The following SLC14A2 variants were observed in gnomAD, a reference collection of about 807,000 sequenced individuals.
SLC14A2 encodes urea transporter 2.
In SLC14A2, 91 loss-of-function variants were observed where a neutral mutation model predicts 104.6. The ratio of observed to expected loss-of-function variants is 0.87; its 90% CI spans 0.73 to 1.04. The LOEUF (loss-of-function observed/expected upper bound fraction) is 1.04. SLC14A2 is among the 50% of genes least tolerant of loss of function. SLC14A2 has a pLI of 0.00. For synonymous variants in SLC14A2, 476 were observed against 466.4 expected, an observed-to-expected ratio of 1.02 and a Z score of -0.27; for missense variants, 1,189 against 1,156.0, an observed-to-expected ratio of 1.03 and a Z score of -0.41.
chr18:45,485,884 C>T (rs1158649342), intron 2 of SLC14A2, among the ~76,000 whole-genome samples: 1 of 152,120 alleles, frequency 6.6e-6, no homozygotes, highest in Non-Finnish European at 1.5e-5. Flanking sequence ...GACCTCAACA[C>T]GGAGACCAGC....
chr18:45,388,537 T>G (rs1454983709), intron 1 of SLC14A2, among the ~76,000 whole-genome samples: 1 of 152,090 alleles, frequency 6.6e-6, no homozygotes, highest in Non-Finnish European at 1.5e-5. Context: ...TAGGGCTATT[T>G]TTCGTCTGTT....
Position 45,509,406 on chromosome 18 carries a change from T to C in SLC14A2, c.-35+26084T>C, listed in dbSNP as rs567889930. The stretch of plus-strand genomic sequence containing the variant: ...CTCTCGCTACCTCTGTCTTTCTTTC[T>C]CAGTCTCTATCTGTTTCTGTTACAT... On this transcript the variant is annotated intron_variant, in intron 2 of 20. Coordinates refer to the SLC14A2 transcript ENST00000586448. 2.0e-5 allele frequency among the ~76,000 whole-genome samples: 3 copies of C among 152,292 alleles called. No individual in the cohort carries two copies. In the South Asian group the frequency reaches 6.2e-4, roughly 32 times the overall value.
chr18:45,626,746 C>T (rs2045262334), intron 3 of SLC14A2, among the ~76,000 whole-genome samples: 5 of 152,176 alleles, frequency 3.3e-5, no homozygotes, highest in Admixed American at 2.6e-4. Flanking sequence ...AAACTACCAC[C>T]CACTGCAGAA....
intron 1 of SLC14A2, among the ~76,000 whole-genome samples, chr18:45,445,164 T>G (rs1003305938): frequency 3.5e-5 from 5 of 142,638 alleles, no homozygotes; most frequent in African/African-American, 1.3e-4. Context: ...CAGGCTGAAG[T>G]GCAGTGGCAC....
intron 4 of SLC14A2, among the ~76,000 whole-genome samples, 189 bp downstream of exon 4, chr18:45,627,336 AT>A (rs1378655498): frequency 1.3e-5 from 2 of 152,194 alleles, no homozygotes; most frequent in African/African-American, 4.8e-5. Context: ...CAGTGTCAAC[AT>A]TCATTTGACT....
chr18:45,396,728 C>A (rs547260635), intron 1 of SLC14A2, among the ~76,000 whole-genome samples: 1 of 148,386 alleles, frequency 6.7e-6, no homozygotes, highest in Non-Finnish European at 1.5e-5. Context: ...TAGGTAACCT[C>A]GTGTCATGGG....
In SLC14A2 at chr18:45,544,029, A is replaced by T. The variant is rs78849316; in HGVS notation, c.-35+60707A>T. Among the ~76,000 whole-genome samples, 1,385 of 152,354 alleles carry T rather than the reference A, an allele frequency of 9.1e-3. 20 individuals carry two copies. Among genetic ancestry groups the T allele is most frequent in the African/African-American group, 0.032 (1,312 of 41,570 alleles). On this transcript the variant is annotated intron_variant, in intron 2 of 20. Transcript: ENST00000586448. The stretch of plus-strand genomic sequence containing the variant: ...TCACAACCCAATGTTGGACGAATTA[A>T]GCACATCTTATGTGACTCCACTGGG...
chr18:45,321,390 A>G (rs552825535), intron 1 of SLC14A2, among the ~76,000 whole-genome samples: 2 of 152,370 alleles, frequency 1.3e-5, no homozygotes, highest in East Asian at 3.9e-4. Context: ...TAGGAACAGA[A>G]CTATACTTGT....
intron 2 of SLC14A2, among the ~76,000 whole-genome samples, chr18:45,538,765 G>A (rs1346460898): frequency 6.6e-6 from 1 of 151,806 alleles, no homozygotes; most frequent in Non-Finnish European, 1.5e-5. Flanking sequence ...AGGGACCACT[G>A]AGGGCAATCT....
chr18:45,389,976 A>T (rs112608241), intron 1 of SLC14A2, among the ~76,000 whole-genome samples: 1,823 of 152,328 alleles, frequency 0.012, 29 homozygotes, highest in African/African-American at 0.04. Flanking sequence ...CTAGAATGAA[A>T]CCTAAAACTG....
chr18:45,223,980 C>T (rs557406459), intron 1 of SLC14A2, among the ~76,000 whole-genome samples: 16 of 152,304 alleles, frequency 1.1e-4, no homozygotes, highest in African/African-American at 3.8e-4. Flanking sequence ...TGATTTTATT[C>T]CCCTCCAATT....
At chr18:45,197,781 G>A in the SLC14A2 span, among the ~76,000 whole-genome samples, 4 of 152,088 alleles carry the variant, frequency 2.6e-5, no homozygotes, top group African/African-American at 9.7e-5. Context: ...ATGAAATTCC[G>A]CAGTGATCTG....
At chr18:45,289,334 G>A (rs2084846593) in intron 1 of SLC14A2, among the ~76,000 whole-genome samples, 1 of 152,056 alleles carries the variant, frequency 6.6e-6, no homozygotes, top group African/African-American at 2.4e-5. Context: ...AGGAGAGCTG[G>A]CACCTTACCC....
At chr18:45,561,668 G>A (rs955365095) in intron 2 of SLC14A2, among the ~76,000 whole-genome samples, 2 of 151,860 alleles carry the variant, frequency 1.3e-5, no homozygotes, top group Non-Finnish European at 2.9e-5. Context: ...AAACTCTTAG[G>A]TCCCACTCCC....
intron 2 of SLC14A2, among the ~76,000 whole-genome samples, chr18:45,585,271 C>T (rs548072079): frequency 1.0e-3 from 158 of 152,272 alleles, no homozygotes; most frequent in Non-Finnish European, 1.9e-3. Context: ...ATTGTAACTC[C>T]GTCCCCTATC....
At chr18:45,434,511 C>T (rs2086565624) in intron 1 of SLC14A2, among the ~76,000 whole-genome samples, 1 of 152,146 alleles carries the variant, frequency 6.6e-6, no homozygotes, top group South Asian at 2.1e-4. Flanking sequence ...AAATAAGCTC[C>T]ATCCATTAAA....
At chr18:45,482,861 C>T (rs2087522489) in intron 1 of SLC14A2, among the ~76,000 whole-genome samples, 2 of 152,124 alleles carry the variant, frequency 1.3e-5, no homozygotes, top group Non-Finnish European at 2.9e-5. Flanking sequence ...TAGAATGTGT[C>T]CACCACAGAG....
the SLC14A2 span, among the ~76,000 whole-genome samples, chr18:45,178,512 C>A: frequency 6.6e-6 from 1 of 151,962 alleles, no homozygotes; most frequent in African/African-American, 2.4e-5. Context: ...GAAATGAAAG[C>A]AAAGATATAA....
At chr18:45,501,686 A>G (rs2043201573) in intron 2 of SLC14A2, among the ~76,000 whole-genome samples, 1 of 152,160 alleles carries the variant, frequency 6.6e-6, no homozygotes, top group Non-Finnish European at 1.5e-5. Context: ...TCCGATAATG[A>G]ATTACCCAGT....
Sources: gnomAD v4.1 joint callset for allele counts (sites outside exome capture counted in the v4.1 genomes callset) on GRCh38, gnomAD v4.1.1 for gene constraint, MANE v1.5 for transcripts, NCBI Gene and HGNC (gene_info 2026-07-23, HGNC 2026-07-21) for gene names.